GAGE13: variants seen among roughly 807,000 people sequenced by gnomAD.
The protein encoded by GAGE13 is G antigen 13, also known as G antigen 12A.
chrX:49,335,276 T>C (rs1490187022), intron 3 of GAGE13, among the ~76,000 whole-genome samples: 1 of 104,698 alleles, frequency 9.6e-6, no homozygotes, highest in Non-Finnish European at 2.0e-5. Context: ...AAAGAGAAAG[T>C]CATTTCTTGG....
chrX:49,332,046 C>G (rs2066465592), intron 1 of GAGE13, among the ~76,000 whole-genome samples: 1 of 80,533 alleles, frequency 1.2e-5, no homozygotes, highest in African/African-American at 3.4e-5. Context: ...AAGAAGGGGC[C>G]TGGCACCTGG....
Position 49,337,738 on chromosome X carries a change from T to C in GAGE13, c.332-1098T>C, listed in dbSNP as rs781895058. ...GCACGTTGTGCAGGTTAGTTACATA[T>C]GTATACATGTGCCATGCTGGTGCGC... On this transcript the variant is annotated intron_variant, in intron 4 of 4. Coordinates refer to ENST00000612958, the MANE Select transcript of GAGE13 (RefSeq NM_001098412.4). Among the ~76,000 whole-genome samples the C allele has an allele frequency of 6.8e-3, 375 of 54,981 alleles. 4 individuals are homozygous for C. Among genetic ancestry groups the C allele is most frequent in the African/African-American group, 0.013 (197 of 15,734 alleles). 47.7% of individuals were successfully genotyped at this position (54,981 alleles called of 115,157 possible).
chrX:49,332,077 C>T (rs1459324255), intron 1 of GAGE13, among the ~76,000 whole-genome samples: 5 of 80,469 alleles, frequency 6.2e-5, no homozygotes, highest in Admixed American at 1.3e-4. Flanking sequence ...GCCTGGTGAG[C>T]GCCCCCGCAG....
At chrX:49,335,055 C>A (rs1185232991) in intron 3 of GAGE13, among the ~76,000 whole-genome samples, 1 of 80,283 alleles carries the variant, frequency 1.2e-5, no homozygotes, top group Non-Finnish European at 2.9e-5. Context: ...TACTGTTCAT[C>A]TGGATTCACC....
At chrX:49,335,145 A>G (rs2066480124) in intron 3 of GAGE13, among the ~76,000 whole-genome samples, 1 of 3,172 alleles carries the variant, frequency 3.2e-4, no homozygotes, top group South Asian at 0.024. Flanking sequence ...ACTCACACAC[A>G]CACACACACA....
At chrX:49,334,913 T>A (rs2066478837) in intron 3 of GAGE13, among the ~76,000 whole-genome samples, 1 of 77,640 alleles carries the variant, frequency 1.3e-5, no homozygotes, top group African/African-American at 3.8e-5. Flanking sequence ...CTGTATTTTT[T>A]ACCACAATTG....
intron 3 of GAGE13, among the ~76,000 whole-genome samples, chrX:49,333,804 CT>C (rs782077289): frequency 0.17 from 3,190 of 19,079 alleles, 516 homozygotes; most frequent in South Asian, 0.4. Flanking sequence ...ACTCAAAAGG[CT>C]TTACTGTAAG....
chrX:49,335,232 C>T (rs2066480824), intron 3 of GAGE13, among the ~76,000 whole-genome samples: 4 of 106,037 alleles, frequency 3.8e-5, no homozygotes, highest in African/African-American at 1.3e-4. Context: ...GGTCCTTTAC[C>T]CTATGTACTT....
chrX:49,337,658 A>C (rs1259838814), intron 4 of GAGE13, among the ~76,000 whole-genome samples: 1 of 60,641 alleles, frequency 1.6e-5, no homozygotes, highest in African/African-American at 4.9e-5. Flanking sequence ...TCTTTTATTT[A>C]TTTATTTATT....
chrX:49,335,112 G>A (rs1190148543), intron 3 of GAGE13, among the ~76,000 whole-genome samples: 11 of 71,757 alleles, frequency 1.5e-4, no homozygotes, highest in Non-Finnish European at 2.3e-4. Flanking sequence ...TCTTCCCTCC[G>A]TCTCTTACCG....
At chrX:49,335,131 A>C (rs1395555815) in intron 3 of GAGE13, among the ~76,000 whole-genome samples, 3 of 10,117 alleles carry the variant, frequency 3.0e-4, no homozygotes, top group Non-Finnish European at 8.3e-4. Flanking sequence ...CGTGCTGCCC[A>C]CACACTCACA....
Position 49,337,657 on chromosome X carries a change from T to G in GAGE13, c.332-1179T>G, listed in dbSNP as rs1557127582. On this transcript the variant is annotated intron_variant, in intron 4 of 4. Coordinates refer to ENST00000612958, the MANE Select transcript of GAGE13 (RefSeq NM_001098412.4). The stretch of plus-strand genomic sequence containing the variant: ...AATTGCTTCTTTTTTTTCTTTTATT[T>G]ATTTATTTATTTATTTATTTATTTA... Among the ~76,000 whole-genome samples, 43 of 62,801 alleles carry G rather than the reference T, an allele frequency of 6.8e-4. 4 individuals carry two copies. The highest frequency in any genetic ancestry group is 6.8e-3 in the Admixed American group (43 of 6,328). 54.5% of individuals were successfully genotyped at this position (62,801 alleles called of 115,157 possible).
chrX:49,335,080 T>A (rs1293432133), intron 3 of GAGE13, among the ~76,000 whole-genome samples: 6 of 100,576 alleles, frequency 6.0e-5, no homozygotes, highest in African/African-American at 2.1e-4. Context: ...GTTAATAGCT[T>A]TCGCTTCATC....
chrX:49,335,568 C>CT (rs2066482910), intron 3 of GAGE13, among the ~76,000 whole-genome samples: 7 of 91,203 alleles, frequency 7.7e-5, no homozygotes, highest in African/African-American at 2.4e-4. Context: ...GCTTGAACTT[C>CT]TGGCCTCACC....
intron 3 of GAGE13, among the ~76,000 whole-genome samples, chrX:49,335,299 C>T (rs1337406666): frequency 9.5e-6 from 1 of 104,989 alleles, no homozygotes; most frequent in South Asian, 4.4e-4. Context: ...CATCACTGCA[C>T]AAAGATGAAA....
At chrX:49,333,474 A>ATGTGTGTGTG (rs1569531788) in intron 3 of GAGE13, 67 bp downstream of exon 3, 2 of 252,262 alleles carry the variant, frequency 7.9e-6, no homozygotes, top group Non-Finnish European at 1.3e-5. Context: ...GTGTGTGTGC[A>ATGTGTGTGTG]CGTGTGTGTG....
intron 2 of GAGE13, among the ~76,000 whole-genome samples, 160 bp downstream of exon 2, chrX:49,332,981 T>C (rs1557127139): frequency 1.3e-5 from 1 of 79,698 alleles, no homozygotes; most frequent in African/African-American, 3.4e-5. Flanking sequence ...GAGGATTTTT[T>C]TTTTCCTCTC....
intron 1 of GAGE13, among the ~76,000 whole-genome samples, chrX:49,332,032 G>A (rs1306021454): frequency 8.7e-5 from 7 of 80,445 alleles, no homozygotes; most frequent in Admixed American, 7.6e-4. Context: ...CGAGGCGGGC[G>A]GTGAAGAAGG....
intron 4 of GAGE13, among the ~76,000 whole-genome samples, chrX:49,337,646 T>A (rs1453054378): frequency 5.0e-5 from 3 of 59,665 alleles, no homozygotes; most frequent in Non-Finnish European, 7.6e-5. Flanking sequence ...GCTTCTTTTT[T>A]TTCTTTTATT....
Sources: allele counts gnomAD v4.1 joint callset (sites outside exome capture counted in the v4.1 genomes callset), GRCh38; gene constraint gnomAD v4.1.1; transcripts MANE v1.5; gene names NCBI Gene and HGNC (gene_info 2026-07-23, HGNC 2026-07-21).